The following CNTNAP2 variants were observed in gnomAD, a reference collection of about 807,000 sequenced individuals.
CNTNAP2 encodes the protein contactin associated protein 2.
In CNTNAP2, 98 loss-of-function variants were observed where a neutral mutation model predicts 155.2. The observed-to-expected ratio is 0.63, with a 90% CI of 0.54 to 0.75. The LOEUF is 0.75. Among genes scored for constraint, CNTNAP2 ranks in the 30% least tolerant of loss-of-function variants. The pLI is 0.00. For synonymous variants in CNTNAP2, 651 were observed against 631.2 expected (o/e 1.03, Z -0.47); for missense variants, 1,727 against 1,688.1 (o/e 1.02, Z -0.40).
At chr7:148,073,400 CA>C (rs1803417790) in intron 15 of CNTNAP2, among the ~76,000 whole-genome samples, 3 of 152,154 alleles carry the variant, frequency 2.0e-5, no homozygotes, top group Non-Finnish European at 4.4e-5. Context: ...AATAATTCAT[CA>C]GTTTTAAATT....
At chr7:147,562,078 T>C in intron 11 of CNTNAP2, 60 bp from the exon 12 acceptor site, 1 of 1,610,864 alleles carries the variant, frequency 6.2e-7, no homozygotes. Flanking sequence ...CACTGGGACA[T>C]TTATCTGGGG....
In CNTNAP2 at chr7:146,685,848, A is replaced by T. The variant is rs1494448; in HGVS notation, c.98-88423A>T. On this transcript the variant is annotated intron_variant, in intron 1 of 23. Transcript: ENST00000361727. The stretch of plus-strand genomic sequence containing the variant: ...GGAAAGAACTGTTTATAATTGATGT[A>T]TGTGAAAATGAGCTGAAAGAGGAAA... Among the ~76,000 whole-genome samples, 140 of 152,314 alleles carry T rather than the reference A, an allele frequency of 9.2e-4. 1 individual carries two copies. Among genetic ancestry groups the T allele is most frequent in the African/African-American group, 3.1e-3 (130 of 41,572 alleles).
intron 4 of CNTNAP2, chr7:147,083,227 G>A (rs1584827005): frequency 6.6e-6 from 1 of 152,070 alleles, no homozygotes; most frequent in East Asian, 1.9e-4. Flanking sequence ...CTTGTCTGAG[G>A]TCAACAGTAA....
intron 13 of CNTNAP2, among the ~76,000 whole-genome samples, chr7:147,734,093 C>G (rs1796794738): frequency 6.6e-6 from 1 of 152,090 alleles, no homozygotes; most frequent in South Asian, 2.1e-4. Context: ...GGTCTTGTGC[C>G]TGTTTTCGAA....
intron 1 of CNTNAP2, among the ~76,000 whole-genome samples, chr7:146,305,311 G>A (rs917404708): frequency 1.8e-4 from 27 of 152,160 alleles, no homozygotes; most frequent in African/African-American, 4.3e-4. Context: ...GTTTTGTTCC[G>A]TTGCTGGCGA....
At chr7:148,266,996 C>T (rs547278170) in intron 20 of CNTNAP2, 37 bp from the exon 21 acceptor site, 64 of 1,585,406 alleles carry the variant, frequency 4.0e-5, no homozygotes, top group Admixed American at 2.3e-4. Context: ...AGGGTAGAGA[C>T]GTGCTTCTAA....
At chr7:148,018,360 G>A (rs1802216708) in intron 15 of CNTNAP2, among the ~76,000 whole-genome samples, 2 of 152,144 alleles carry the variant, frequency 1.3e-5, no homozygotes, top group African/African-American at 4.8e-5. Context: ...ATGGTTGTAA[G>A]ATCGAATCTG....
At chr7:147,906,918 CA>C (rs1435108252) in intron 14 of CNTNAP2, among the ~76,000 whole-genome samples, 9 of 152,218 alleles carry the variant, frequency 5.9e-5, no homozygotes, top group Admixed American at 5.9e-4. Context: ...CACAGTTACT[CA>C]GGGACTTGGT....
At chr7:147,895,693 C>T (rs899351795) in intron 13 of CNTNAP2, among the ~76,000 whole-genome samples, 4 of 152,194 alleles carry the variant, frequency 2.6e-5, no homozygotes, top group African/African-American at 9.7e-5. Flanking sequence ...AACTGCTATT[C>T]CCCAAAGCCA....
chr7:147,540,774 T>A (rs1421126756), intron 11 of CNTNAP2, among the ~76,000 whole-genome samples: 1 of 151,578 alleles, frequency 6.6e-6, no homozygotes. Flanking sequence ...GAGGTCGCAA[T>A]GAGCCGAGAT....
intron 13 of CNTNAP2, among the ~76,000 whole-genome samples, chr7:147,874,074 C>T (rs1004389862): frequency 6.6e-6 from 1 of 152,196 alleles, no homozygotes; most frequent in African/African-American, 2.4e-5. Context: ...AGGGTATAGA[C>T]CCCCATCTCA....
intron 1 of CNTNAP2, among the ~76,000 whole-genome samples, chr7:146,617,628 C>G (rs1240258398): frequency 6.6e-6 from 1 of 152,008 alleles, no homozygotes; most frequent in South Asian, 2.1e-4. Context: ...CTAAAAGAAC[C>G]GTTTACGTTT....
rs191242998 is a variant in CNTNAP2 at position 147,811,789 on chromosome 7, T to C, written c.2099-91776T>C. Reference sequence around the variant, plus strand: ...TTTGTATGCTTTTTGATATCCTTAATGTAAAAAAAATTCTTGATTCTTTTT... The same window carrying C: ...TTTGTATGCTTTTTGATATCCTTAACGTAAAAAAAATTCTTGATTCTTTTT... On this transcript the variant is annotated intron_variant, in intron 13 of 23. Transcript: ENST00000361727. Among the ~76,000 whole-genome samples, 12 of 152,254 alleles carry C rather than the reference T, an allele frequency of 7.9e-5. No homozygotes were observed. The East Asian group carries it at 1.7e-3, about 22-fold the overall frequency.
chr7:146,176,813 T>A (rs1167066005), intron 1 of CNTNAP2, among the ~76,000 whole-genome samples: 1 of 152,188 alleles, frequency 6.6e-6, no homozygotes, highest in Non-Finnish European at 1.5e-5. Context: ...ATTTAAAAAA[T>A]TTAGAAAGAC....
At chr7:148,413,392 C>CAAAAAAAAAAAAAAAAAAAA (rs1184055556) in intron 23 of CNTNAP2, among the ~76,000 whole-genome samples, 1 of 1,650 alleles carries the variant, frequency 6.1e-4, no homozygotes, top group African/African-American at 1.1e-3. Flanking sequence ...AACTCCGTCT[C>CAAAAAAAAAAAAAAAAAAAA]AAAAAAAAAA....
At chr7:147,661,735 T>G (rs1033252043) in intron 13 of CNTNAP2, among the ~76,000 whole-genome samples, 1 of 152,068 alleles carries the variant, frequency 6.6e-6, no homozygotes, top group African/African-American at 2.4e-5. Flanking sequence ...GTATTTTTAG[T>G]AGAGACGGGG....
intron 1 of CNTNAP2, among the ~76,000 whole-genome samples, chr7:146,426,542 T>A (rs1276183660): frequency 6.6e-6 from 1 of 150,478 alleles, no homozygotes; most frequent in Non-Finnish European, 1.5e-5. Flanking sequence ...TTTTAAAAAA[T>A]TTAAAAATAT....
chr7:146,693,369 T>G (rs540786375), intron 1 of CNTNAP2, among the ~76,000 whole-genome samples: 7 of 152,222 alleles, frequency 4.6e-5, no homozygotes, highest in African/African-American at 1.7e-4. Context: ...AACAAATAAT[T>G]TATTCAATCA....
chr7:147,335,695 T>A (rs747138), intron 9 of CNTNAP2, among the ~76,000 whole-genome samples: 25,953 of 152,188 alleles, frequency 0.17, 2,844 homozygotes, highest in Non-Finnish European at 0.24. Context: ...GGTAACATTT[T>A]TCTTCGTGAT....
Sources: allele counts gnomAD v4.1 joint callset (sites outside exome capture counted in the v4.1 genomes callset), GRCh38; gene constraint gnomAD v4.1.1; transcripts MANE v1.5; gene names NCBI Gene and HGNC (gene_info 2026-07-23, HGNC 2026-07-21).